Variants in CAMSAP2 observed in about 807,000 individuals in gnomAD.
CAMSAP2 encodes calmodulin regulated spectrin associated protein family member 2.
CAMSAP2 carries 26 observed loss-of-function variants against 146.1 expected under a neutral mutation model. The ratio of observed to expected loss-of-function variants is 0.18; its 90% CI spans 0.13 to 0.25. The LOEUF is 0.25. Among genes scored for constraint, CAMSAP2 ranks in the 10% least tolerant of loss-of-function variants. The pLI is 1.00. For missense variants in CAMSAP2, 1,381 were observed against 1,759.3 expected, an observed-to-expected ratio of 0.78 and a Z score of 3.85; for synonymous variants, 499 against 596.6, an observed-to-expected ratio of 0.84 and a Z score of 2.38.
At chr1:200,777,068 G>A (rs1012183938) in intron 2 of CAMSAP2, among the ~76,000 whole-genome samples, 2 of 152,110 alleles carry the variant, frequency 1.3e-5, no homozygotes, top group Non-Finnish European at 2.9e-5. Context: ...AATGAGAGAA[G>A]GATGACCAAC....
Position 200,852,582 on chromosome 1 carries a change from A to C in CAMSAP2, c.3507A>C (p.Ala1169=). ...KAENDMAMKR[A]ALLEKRLRRE... is the part of the protein sequence containing the mutation. ...AAAATGATATGGCAATGAAACGGGC[A>C]GCTTTGTTGGAGAAAAGATTAAGAA... is the stretch of plus-strand genomic sequence containing the variant. The change falls in exon 12 of 17, where the codon GCA becomes GCC. Residue 1169 remains alanine (A), a synonymous_variant. Coordinates refer to ENST00000358823, the MANE Select transcript of CAMSAP2 (RefSeq NM_203459.4). 1 of 1,613,918 alleles carries C rather than the reference A, an allele frequency of 6.2e-7. No homozygotes were observed. Among genetic ancestry groups the C allele is most frequent in the Non-Finnish European group, 8.5e-7 (1 of 1,179,926 alleles).
chr1:200,739,135 A>T lies in CAMSAP2; in HGVS notation c.-693A>T, dbSNP rs1408535000. Among the ~76,000 whole-genome samples, 1 of 150,676 alleles carries T rather than the reference A, an allele frequency of 6.6e-6. No homozygotes were observed. Among genetic ancestry groups the T allele is most frequent in the African/African-American group, 2.4e-5 (1 of 40,852 alleles). On this transcript the variant is annotated 5_prime_UTR_variant, in exon 1 of 17. Coordinates refer to ENST00000358823, the MANE Select transcript of CAMSAP2 (RefSeq NM_203459.4). The surrounding 1 kb of genome is among the most constrained non-coding windows in gnomAD (Gnocchi z 4.8). ...CAGCGGCGACGGCGGCAGGGGAAGG[A>T]GGAGACGGCGACGGGAGGGAGCACA...
At chr1:200,807,080 T>C (rs559116052) in intron 2 of CAMSAP2, among the ~76,000 whole-genome samples, 1 of 152,278 alleles carries the variant, frequency 6.6e-6, no homozygotes, top group East Asian at 1.9e-4. Flanking sequence ...GTAAGTTATA[T>C]TGCTGAGTAA....
At position 200,753,105 on chromosome 1, in the gene CAMSAP2, G is replaced by A. The variant is rs112428684; in HGVS notation, c.140-7734G>A. Among the ~76,000 whole-genome samples, 1,470 of 151,922 alleles carry A rather than the reference G, an allele frequency of 9.7e-3. 33 individuals are homozygous for A. Among genetic ancestry groups the A allele is most frequent in the African/African-American group, 0.034 (1,401 of 41,464 alleles). On this transcript the variant is annotated intron_variant, in intron 1 of 16. Transcript: ENST00000358823. ...AGGTCAGGAGTTTGAGACCACCCTGGCAAACAAGGTGAAAACCCATCTCTA... is the reference window on the plus strand; with the variant it reads ...AGGTCAGGAGTTTGAGACCACCCTGACAAACAAGGTGAAAACCCATCTCTA...
Position 200,849,805 on chromosome 1 carries a change from TC to T in CAMSAP2, c.3038del (p.Pro1013LeufsTer18). 1 of 1,614,238 alleles carries T rather than the reference TC, an allele frequency of 6.2e-7. No homozygotes were observed. Among genetic ancestry groups the T allele is most frequent in the Non-Finnish European group, 8.5e-7 (1 of 1,180,042 alleles). The stretch of plus-strand genomic sequence containing the variant: ...TAAGGAGGTTTTCACCAAGTCAAGT[TC>T]CTATTCAAACTAGGTCATTTGTATG... ...RLRRFSPSQV[P>X]IQTRSFVCFG... On this transcript the variant is annotated frameshift_variant, in exon 11 of 17. Coordinates refer to ENST00000358823, the MANE Select transcript of CAMSAP2 (RefSeq NM_203459.4). LOFTEE classifies it high-confidence loss of function. The surrounding 1 kb of genome is among the most constrained non-coding windows in gnomAD (Gnocchi z 6.3).
chr1:200,740,817 G>T (rs925687909), intron 1 of CAMSAP2, among the ~76,000 whole-genome samples: 37 of 152,166 alleles, frequency 2.4e-4, no homozygotes, highest in African/African-American at 8.9e-4. Context: ...GTTGCTTTAG[G>T]AGCCCATGTT....
chr1:200,792,551 A>G (rs1262987758), intron 2 of CAMSAP2, among the ~76,000 whole-genome samples: 2 of 152,178 alleles, frequency 1.3e-5, no homozygotes, highest in African/African-American at 4.8e-5. Flanking sequence ...AGGCTGAGGC[A>G]GGAAAATTGC....
At chr1:200,810,473 G>C (rs1312936655) in intron 3 of CAMSAP2, among the ~76,000 whole-genome samples, 1 of 152,066 alleles carries the variant, frequency 6.6e-6, no homozygotes, top group Non-Finnish European at 1.5e-5. Flanking sequence ...CTACTTGGGA[G>C]GCTGAGGCAG....
chr1:200,778,363 G>A (rs1211719148), intron 2 of CAMSAP2, among the ~76,000 whole-genome samples: 3 of 152,122 alleles, frequency 2.0e-5, no homozygotes, highest in African/African-American at 7.2e-5. Flanking sequence ...ATTGAAATAC[G>A]TATTTATTGA....
intron 2 of CAMSAP2, among the ~76,000 whole-genome samples, chr1:200,784,037 CT>C (rs143205896): frequency 1.8e-3 from 266 of 150,094 alleles, no homozygotes; most frequent in African/African-American, 6.4e-3. Context: ...TCATTTTACC[CT>C]TTTTTTTTAA....
At chr1:200,763,494 C>G (rs902741655) in intron 2 of CAMSAP2, among the ~76,000 whole-genome samples, 1 of 151,828 alleles carries the variant, frequency 6.6e-6, no homozygotes. Context: ...AGCCGAGATT[C>G]CGCTACTGCA....
chr1:200,815,300 T>G (rs1318470712), intron 3 of CAMSAP2, among the ~76,000 whole-genome samples: 3 of 152,178 alleles, frequency 2.0e-5, no homozygotes, highest in East Asian at 3.8e-4. Context: ...CTTTTTTCCC[T>G]TAGCGCTCCA....
At chr1:200,772,481 C>A (rs547868131) in intron 2 of CAMSAP2, among the ~76,000 whole-genome samples, 17 of 152,174 alleles carry the variant, frequency 1.1e-4, no homozygotes, top group Middle Eastern at 3.4e-3. Flanking sequence ...TGGTGGCATA[C>A]GCCTGTAATC....
At chr1:200,800,848 A>G (rs568918762) in intron 2 of CAMSAP2, among the ~76,000 whole-genome samples, 5 of 152,314 alleles carry the variant, frequency 3.3e-5, no homozygotes, top group Non-Finnish European at 5.9e-5. Flanking sequence ...AGCTCTTGTA[A>G]GGCAGGCCTG....
At chr1:200,855,937 AC>A (rs1667739426) in intron 14 of CAMSAP2, 72 bp from the exon 15 acceptor site, 1 of 956,918 alleles carries the variant, frequency 1.0e-6, no homozygotes, top group Non-Finnish European at 1.6e-6. Flanking sequence ...TTTGATTGTT[AC>A]TTTCACGTAT....
intron 6 of CAMSAP2, among the ~76,000 whole-genome samples, chr1:200,836,647 G>A (rs1291298142): frequency 6.6e-6 from 1 of 152,094 alleles, no homozygotes; most frequent in Non-Finnish European, 1.5e-5. Context: ...TCTGTTTTTA[G>A]GTCTTTGAGG....
rs754324221 is a variant in CAMSAP2 at position 200,832,861 on chromosome 1, C to A, written c.927+16C>A. Reference sequence around the variant, plus strand: ...ATCCATAAAGGTAAATTAAATTATTCTTTTTTTCCCTTTGCTTTGTTAAAA... The same window carrying A: ...ATCCATAAAGGTAAATTAAATTATTATTTTTTTCCCTTTGCTTTGTTAAAA... On this transcript the variant is annotated intron_variant, in intron 6 of 16. Transcript: ENST00000358823. This position sits in a 1 kb window ranked among gnomAD's most constrained non-coding sequence, Gnocchi z 4.2. The A allele has an allele frequency of 3.2e-6, 5 of 1,543,420 alleles. No homozygotes were observed. The highest frequency in any genetic ancestry group is 2.1e-5 in the Admixed American group (1 of 46,700).
intron 3 of CAMSAP2, 114 bp from the exon 4 acceptor site, chr1:200,815,447 T>C (rs1666455378): frequency 4.2e-6 from 2 of 478,272 alleles, no homozygotes; most frequent in Non-Finnish European, 7.3e-6. Context: ...GAGACTGATA[T>C]TTGACATCAG....
chr1:200,844,211 G>A (rs1667402006), intron 7 of CAMSAP2, among the ~76,000 whole-genome samples: 1 of 150,970 alleles, frequency 6.6e-6, no homozygotes, highest in Admixed American at 6.6e-5. Context: ...TTTTATGTTA[G>A]GCTTTTTCCC....
Sources: gnomAD v4.1 joint callset for allele counts (sites outside exome capture counted in the v4.1 genomes callset) on GRCh38, gnomAD v4.1.1 for gene constraint, Gnocchi (gnomAD v3.1) non-coding constraint, MANE v1.5 for transcripts, NCBI Gene and HGNC (gene_info 2026-07-23, HGNC 2026-07-21) for gene names.